ZNF841: variants seen among roughly 807,000 people sequenced by gnomAD.
ZNF841 encodes the protein TCONS_00006091.
ZNF841 carries 11 observed loss-of-function variants against 13.0 expected under a neutral mutation model. The ratio of observed to expected loss-of-function variants is 0.85; its 90% CI spans 0.53 to 1.40. ZNF841 has a LOEUF of 1.40. ZNF841 is among the 40% of genes most tolerant of loss of function. The pLI is 0.00. For synonymous variants in ZNF841, 369 were observed against 381.6 expected (o/e 0.97, Z 0.38); for missense variants, 1,068 against 1,139.5 (o/e 0.94, Z 0.90).
At chr19:52,059,368 A>ATATAT in the ZNF841 span, among the ~76,000 whole-genome samples, 8 of 90,416 alleles carry the variant, frequency 8.8e-5, no homozygotes, top group African/African-American at 1.1e-4. Context: ...AAAAAAAAAA[A>ATATAT]AAATATATAT....
At chr19:52,061,096 G>C (rs2087388610), downstream of ZNF841, among the ~76,000 whole-genome samples, 1 of 152,168 alleles carries the variant, frequency 6.6e-6, no homozygotes. Context: ...GACTAAGTTG[G>C]GGCCCTAAAG....
At chr19:52,059,302 A>G in the ZNF841 span, among the ~76,000 whole-genome samples, 2 of 142,014 alleles carry the variant, frequency 1.4e-5, no homozygotes, top group South Asian at 2.3e-4. Flanking sequence ...GTGAGCTGAG[A>G]TCGCGCCGCT....
rs370840048 is a variant in ZNF841, at chr19:52,065,267, G to C, written c.2615C>G (p.Ser872Cys). The change falls in exon 7 of 7, where the codon TCT becomes TGT. Residue 872 changes from serine to cysteine, a missense_variant. By Grantham distance (112) the Ser-to-Cys change is moderately radical. Transcript: ENST00000594440. The part of the protein sequence containing the change: ...SCLTKHQRIH[S>C]SEKPYKCNEC... ...ATTACATTTATAAGGTTTTTCACTA[G>C]AATGAATTCGTTGGTGTTTAGTGAG... 4 of 1,613,940 alleles carry C rather than the reference G, an allele frequency of 2.5e-6. No individual in the cohort carries two copies. The highest frequency in any genetic ancestry group is 3.4e-6 in the Non-Finnish European group (4 of 1,179,892).
In ZNF841 at chr19:52,066,278, T is replaced by A; in HGVS notation, c.1604A>T (p.His535Leu). 1 of 1,614,006 alleles carries A rather than the reference T, an allele frequency of 6.2e-7. No individual in the cohort carries two copies. Residue 535 changes from histidine to leucine, a missense_variant, in exon 7 of 7, where the codon CAT becomes CTT. Transcript: ENST00000594440. ...ACATTTGTAAGGTTTCTCTCCGGTA[T>A]GAATTCTCTGATGTACAGTTAGTAA... Reference protein sequence around the residue: ...GSLLTVHQRIHTGEKPYKCNV... With the variant: ...GSLLTVHQRILTGEKPYKCNV...
At chr19:52,090,880 T>C (rs1351425503) in intron 2 of ZNF841, among the ~76,000 whole-genome samples, 2 of 152,160 alleles carry the variant, frequency 1.3e-5, no homozygotes, top group East Asian at 1.9e-4. Flanking sequence ...CTGAGTGCAA[T>C]TACTCCCTGG....
In ZNF841 at chr19:52,064,956, G is replaced by A. The variant is rs1421239826; in HGVS notation, c.*151C>T. Reference sequence around the variant, plus strand: ...AGAACTATCACAAGGACAGCAACAAGGGGATGGTACTAAAACTTTCTTGAG... The same window carrying A: ...AGAACTATCACAAGGACAGCAACAAAGGGATGGTACTAAAACTTTCTTGAG... On this transcript the variant is annotated 3_prime_UTR_variant, in exon 7 of 7. Transcript: ENST00000594440. 1.8e-5 allele frequency: 11 copies of A among 597,614 alleles called. No individual in the cohort carries two copies. The highest frequency in any genetic ancestry group is 2.5e-5 in the Non-Finnish European group (9 of 356,558). The allele number at this position is 597,614 out of a possible 1,614,324, so 37.0% of individuals were successfully genotyped here. A position where few individuals can be genotyped will look rare whatever the true frequency, so the allele number is the denominator to read the frequency against.
At position 52,064,877 on chromosome 19, in the gene ZNF841, G is replaced by A. The variant is rs528919316; in HGVS notation, c.*230C>T. ...TTGAACTCCTGACCTCAAGTGATCC[G>A]CCCACCTCAGCCTCCCAAAGTGCTG... On this transcript the variant is annotated 3_prime_UTR_variant, in exon 7 of 7. Transcript: ENST00000594440. The A allele has an allele frequency of 1.6e-5, 5 of 318,890 alleles. No homozygotes were observed. Among genetic ancestry groups the A allele is most frequent in the East Asian group, 5.1e-5 (1 of 19,534 alleles). The allele number at this position is 318,890 out of a possible 1,614,324, so 19.8% of individuals were successfully genotyped here.
At chr19:52,084,532 C>A (rs2088205938) in intron 4 of ZNF841, among the ~76,000 whole-genome samples, 2 of 152,182 alleles carry the variant, frequency 1.3e-5, no homozygotes, top group Admixed American at 1.3e-4. Flanking sequence ...GAACTCACAC[C>A]CTGTCTCCAT....
At chr19:52,072,925 A>G (rs1005174236) in intron 6 of ZNF841, among the ~76,000 whole-genome samples, 3 of 152,194 alleles carry the variant, frequency 2.0e-5, no homozygotes, top group African/African-American at 7.2e-5. Context: ...GGAAAATGAA[A>G]ATAGAACATA....
In ZNF841 at chr19:52,089,055, C is replaced by T. The variant is rs113836367; in HGVS notation, c.-143-53G>A. ...GTCACTGCAGCTACACCAGTAGGCA[C>T]GAAAACAATGTACTTTTTGCTAAAT... On this transcript the variant is annotated intron_variant, in intron 2 of 6. Transcript: ENST00000594440. The T allele has an allele frequency of 5.0e-4, 76 of 152,188 alleles. 2 individuals carry two copies. Among genetic ancestry groups the T allele is most frequent in the African/African-American group, 1.4e-3 (60 of 41,510 alleles). 9.4% of individuals were successfully genotyped at this position (152,188 alleles called of 1,614,324 possible).
intron 6 of ZNF841, among the ~76,000 whole-genome samples, chr19:52,069,467 C>T (rs2087681730): frequency 6.6e-6 from 1 of 152,160 alleles, no homozygotes. Context: ...AGATAAAAGA[C>T]AACACCGTTT....
At chr19:52,061,109 G>A (rs951075989), downstream of ZNF841, among the ~76,000 whole-genome samples, 2 of 152,150 alleles carry the variant, frequency 1.3e-5, no homozygotes, top group Non-Finnish European at 2.9e-5. Context: ...CCCTAAAGGG[G>A]GGATGCCCCA....
chr19:52,065,303 C>T lies in ZNF841; in HGVS notation c.2579G>A (p.Arg860Gln). 1.9e-6 allele frequency: 3 copies of T among 1,612,588 alleles called. No individual in the cohort carries two copies. Among genetic ancestry groups the T allele is most frequent in the Non-Finnish European group, 2.5e-6 (3 of 1,179,182 alleles). The change falls in exon 7 of 7, where the codon CGG (arginine) becomes CAG (glutamine). Residue 860 changes from arginine (R) to glutamine (Q), a missense_variant. Arg to Gln is a conservative substitution (Grantham distance 43). Coordinates refer to ENST00000594440, the MANE Select transcript of ZNF841 (RefSeq NM_001136499.2). ...TTGGTGTTTAGTGAGGCAAGACCGC[C>T]GCCCAAACGCCTTGCCACATTCCAT... ...KCMECGKAFGRRSCLTKHQRI... is the reference protein window; with the variant it reads ...KCMECGKAFGQRSCLTKHQRI...
In ZNF841 at chr19:52,065,317, G is replaced by T; in HGVS notation, c.2565C>A (p.Gly855=). Reference sequence around the variant, plus strand: ...GGCAAGACCGCCGCCCAAACGCCTTGCCACATTCCATACATTTGTATGGCT... The same window carrying T: ...GGCAAGACCGCCGCCCAAACGCCTTTCCACATTCCATACATTTGTATGGCT... ...GEKPYKCMEC[G]KAFGRRSCLT... Residue 855 remains glycine (G), a synonymous_variant, in exon 7 of 7, where the codon GGC becomes GGA. Transcript: ENST00000594440. 1.9e-6 allele frequency: 3 copies of T among 1,611,530 alleles called. No individual in the cohort carries two copies. Among genetic ancestry groups the T allele is most frequent in the Non-Finnish European group, 2.5e-6 (3 of 1,178,558 alleles).
intron 3 of ZNF841, among the ~76,000 whole-genome samples, chr19:52,087,416 T>C (rs1025098389): frequency 1.3e-5 from 2 of 152,138 alleles, no homozygotes; most frequent in African/African-American, 4.8e-5. Context: ...CCTCTATGTG[T>C]CCAAGTATTC....
chr19:52,093,419 T>C (rs576470785), intron 2 of ZNF841, among the ~76,000 whole-genome samples: 1 of 152,222 alleles, frequency 6.6e-6, no homozygotes, highest in South Asian at 2.1e-4. Context: ...AAAAGTCCAA[T>C]TGATAGTAAC....
chr19:52,072,437 T>C (rs2087765176), intron 6 of ZNF841, among the ~76,000 whole-genome samples: 1 of 152,096 alleles, frequency 6.6e-6, no homozygotes, highest in Non-Finnish European at 1.5e-5. Context: ...GAAAAAAAAT[T>C]TTAAACTTTT....
Position 52,065,789 on chromosome 19 carries a change from C to A in ZNF841, c.2093G>T (p.Arg698Ile). 1 of 1,611,242 alleles carries A rather than the reference C, an allele frequency of 6.2e-7. No homozygotes were observed. Residue 698 changes from arginine (R) to isoleucine (I), a missense_variant, in exon 7 of 7, where the codon AGA becomes ATA. Transcript: ENST00000594440. ...EAFIQSSKLA[R>I]YHRNPTGEKP... ...CTCCCCAGTAGGATTTCTGTGATATCTTGCAAGTTTTGAACTTTGGATAAA... is the reference window on the plus strand; with the variant it reads ...CTCCCCAGTAGGATTTCTGTGATATATTGCAAGTTTTGAACTTTGGATAAA...
rs1600075734 is a variant in ZNF841, at chr19:52,065,051, C to T, written c.*56G>A. On this transcript the variant is annotated 3_prime_UTR_variant, in exon 7 of 7. Coordinates refer to ENST00000594440, the MANE Select transcript of ZNF841 (RefSeq NM_001136499.2). ...CCAATACTGGAGATTACTACAATTC[C>T]ACATGAGACTTCAAAGGGAAAGGAC... 7.2e-7 allele frequency: 1 copy of T among 1,392,202 alleles called. No homozygotes were observed. The highest frequency in any genetic ancestry group is 2.5e-5 in the East Asian group (1 of 39,474). The allele number at this position is 1,392,202 out of a possible 1,614,324, so 86.2% of individuals were successfully genotyped here.
Sources: gnomAD v4.1 joint callset for allele counts (sites outside exome capture counted in the v4.1 genomes callset) on GRCh38, gnomAD v4.1.1 for gene constraint, MANE v1.5 for transcripts, NCBI Gene and HGNC (gene_info 2026-07-23, HGNC 2026-07-21) for gene names.